Variants in PRKN observed in about 807,000 individuals in gnomAD.
PRKN encodes the protein parkin RBR E3 ubiquitin protein ligase.
Under a neutral mutation model 59.5 loss-of-function variants are expected in PRKN, and 56 were observed. That is an observed-to-expected ratio of 0.94 (90% CI 0.76 to 1.18). The LOEUF (loss-of-function observed/expected upper bound fraction) is 1.18. Among genes scored for constraint, PRKN ranks in the 50% most tolerant of loss-of-function variants. PRKN has a pLI of 0.00. For missense variants in PRKN, 657 were observed against 596.4 expected (o/e 1.10, Z -1.06); for synonymous variants, 250 against 222.1 (o/e 1.13, Z -1.12).
At chr6:162,577,860 T>C (rs1309638539) in intron 1 of PRKN, among the ~76,000 whole-genome samples, 1 of 151,990 alleles carries the variant, frequency 6.6e-6, no homozygotes, top group Non-Finnish European at 1.5e-5. Flanking sequence ...GCCCAGGAGG[T>C]CAAGGTTTCA....
In PRKN at chr6:161,548,880, C is replaced by T. The variant is rs1460011098; in HGVS notation, c.1057G>A (p.Glu353Lys). Residue 353 changes from glutamate (E) to lysine (K), a missense_variant, in exon 9 of 12, where the codon GAA becomes AAA. By Grantham distance (56) the Glu-to-Lys change is moderately conservative. Transcript: ENST00000366898. This position sits in a 1 kb window ranked among gnomAD's most constrained non-coding sequence, Gnocchi z 4.2. ...PEPDQRKVTC[E>K]GGNGLGCGFA... ...CCACAGCCCAGGCCATTGCCCCCTT[C>T]GCAGGTGACTTTCCTCTGGTCAGGC... 1.5e-5 allele frequency: 25 copies of T among 1,614,046 alleles called. No individual in the cohort carries two copies. Among genetic ancestry groups the T allele is most frequent in the Non-Finnish European group, 2.0e-5 (24 of 1,180,020 alleles).
At chr6:162,269,640 G>A (rs1780288767) in intron 2 of PRKN, 1 of 152,176 alleles carries the variant, frequency 6.6e-6, no homozygotes, top group African/African-American at 2.4e-5. Context: ...TGTAAAGTAG[G>A]TAGGGCTGTC....
intron 1 of PRKN, among the ~76,000 whole-genome samples, chr6:162,596,603 T>C (rs1781503024): frequency 1.3e-5 from 2 of 152,212 alleles, no homozygotes; most frequent in African/African-American, 4.8e-5. Context: ...ATATGATCAA[T>C]GTTCCTGTAG....
chr6:161,597,300 G>T (rs1190204114), intron 7 of PRKN, among the ~76,000 whole-genome samples: 2 of 152,162 alleles, frequency 1.3e-5, no homozygotes, highest in Non-Finnish European at 2.9e-5. Context: ...ACCTCAGCTG[G>T]TCAGGTTTTC....
In PRKN at chr6:162,056,413, C is replaced by A. The variant is rs1007321488; in HGVS notation, c.535-2239G>T. 1.3e-5 allele frequency among the ~76,000 whole-genome samples: 2 copies of A among 152,054 alleles called. No individual in the cohort carries two copies. Among genetic ancestry groups the A allele is most frequent in the African/African-American group, 4.8e-5 (2 of 41,404 alleles). ...CACACGCACTATTCTAGAGAAAAGT[C>A]GGGGACGCAGAGCAGTTCTCCAGGC... On this transcript the variant is annotated intron_variant, in intron 4 of 11. Transcript: ENST00000366898. This position sits in a 1 kb window ranked among gnomAD's most constrained non-coding sequence, Gnocchi z 4.9.
chr6:161,816,862 G>T (rs1021099917), intron 6 of PRKN, among the ~76,000 whole-genome samples: 2 of 152,110 alleles, frequency 1.3e-5, no homozygotes, highest in African/African-American at 4.8e-5. Context: ...TGGCAACAGG[G>T]TCACTCACAA....
intron 6 of PRKN, among the ~76,000 whole-genome samples, chr6:161,854,872 TA>T (rs1199133341): frequency 1.3e-5 from 2 of 151,832 alleles, no homozygotes; most frequent in Non-Finnish European, 2.9e-5. Context: ...ATCATGAGGT[TA>T]GGAGTTCAAG....
Position 162,470,808 on chromosome 6 carries a change from A to G in PRKN, c.8-27335T>C, listed in dbSNP as rs906933548. Among the ~76,000 whole-genome samples, 4 of 151,808 alleles carry G rather than the reference A, an allele frequency of 2.6e-5. No individual in the cohort carries two copies. In the South Asian group the frequency reaches 8.3e-4, roughly 32 times the overall value. Reference sequence around the variant, plus strand: ...GTCTCATTCTGTGGCCCAGGCTGGAATGCAGTGGTGCAATCTCGGCTCACT... The same window carrying G: ...GTCTCATTCTGTGGCCCAGGCTGGAGTGCAGTGGTGCAATCTCGGCTCACT... On this transcript the variant is annotated intron_variant, in intron 1 of 11. Coordinates refer to ENST00000366898, the MANE Select transcript of PRKN (RefSeq NM_004562.3).
rs142641131 is a variant in PRKN, at chr6:161,973,650, C to T, written c.619-233G>A. ...CTCTGCTATTCTTTTGCTCTTTAAG[C>T]GAGGGAGCTGGAGAAATACGCTGTG... On this transcript the variant is annotated intron_variant, in intron 5 of 11. Transcript: ENST00000366898. Among the ~76,000 whole-genome samples, 724 of 152,180 alleles carry T rather than the reference C, an allele frequency of 4.8e-3. 3 individuals carry two copies. The highest frequency in any genetic ancestry group is 0.024 in the Middle Eastern group (7 of 294).
intron 1 of PRKN, among the ~76,000 whole-genome samples, chr6:162,616,275 G>A (rs940620335): frequency 3.3e-5 from 5 of 152,048 alleles, no homozygotes; most frequent in Admixed American, 6.6e-5. Flanking sequence ...TAGTAAGCCC[G>A]CTGGGGACAA....
intron 7 of PRKN, among the ~76,000 whole-genome samples, chr6:161,640,438 A>G (rs923259713): frequency 6.6e-6 from 1 of 152,210 alleles, no homozygotes; most frequent in Non-Finnish European, 1.5e-5. Flanking sequence ...GCAGCTGCTT[A>G]TGCTTAGCTG....
intron 6 of PRKN, among the ~76,000 whole-genome samples, chr6:161,870,953 G>A (rs1328256247): frequency 1.3e-5 from 2 of 151,940 alleles, no homozygotes; most frequent in Non-Finnish European, 2.9e-5. Flanking sequence ...GATTTTCTTG[G>A]GGGATGAAAT....
intron 2 of PRKN, among the ~76,000 whole-genome samples, chr6:162,285,981 G>A (rs1781171010): frequency 6.6e-6 from 1 of 152,146 alleles, no homozygotes. Flanking sequence ...TGTAAGCTGG[G>A]AGCTCACATC....
At chr6:161,875,162 TATATA>T (rs1794686431) in intron 6 of PRKN, among the ~76,000 whole-genome samples, 1 of 138,214 alleles carries the variant, frequency 7.2e-6, no homozygotes, top group Non-Finnish European at 1.5e-5. Flanking sequence ...ATACAATACA[TATATA>T]ATATAAAATA....
At chr6:162,055,116 T>G (rs1193047568) in intron 4 of PRKN, among the ~76,000 whole-genome samples, 1 of 152,110 alleles carries the variant, frequency 6.6e-6, no homozygotes, top group Non-Finnish European at 1.5e-5. Flanking sequence ...GAGCCGAGAT[T>G]GTGCCACTGC....
At chr6:161,997,081 C>T (rs1281779355) in intron 5 of PRKN, among the ~76,000 whole-genome samples, 3 of 152,066 alleles carry the variant, frequency 2.0e-5, no homozygotes, top group African/African-American at 4.8e-5. Context: ...CAATGAAATA[C>T]GTAATAAACT....
chr6:161,731,031 A>G (rs929900634), intron 7 of PRKN, among the ~76,000 whole-genome samples: 2 of 148,390 alleles, frequency 1.3e-5, no homozygotes, highest in African/African-American at 5.0e-5. Context: ...TCGTTCTGAT[A>G]TCTTGCAGTC....
chr6:162,617,164 T>TA (rs1322219349), intron 1 of PRKN, among the ~76,000 whole-genome samples: 2 of 152,142 alleles, frequency 1.3e-5, no homozygotes, highest in African/African-American at 4.8e-5. Context: ...TCACCCTACT[T>TA]ACCATTTTTT....
chr6:161,996,567 C>T (rs1359432961), intron 5 of PRKN, among the ~76,000 whole-genome samples: 1 of 152,086 alleles, frequency 6.6e-6, no homozygotes, highest in Non-Finnish European at 1.5e-5. Flanking sequence ...TTTAGCTCCT[C>T]TTAATCAAAT....
Sources: gnomAD v4.1 joint callset for allele counts (sites outside exome capture counted in the v4.1 genomes callset) on GRCh38, gnomAD v4.1.1 for gene constraint, Gnocchi (gnomAD v3.1) non-coding constraint, MANE v1.5 for transcripts, NCBI Gene and HGNC (gene_info 2026-07-23, HGNC 2026-07-21) for gene names.